The following MYH10 variants were observed in gnomAD, a reference collection of about 807,000 sequenced individuals.
MYH10 encodes the protein myosin-10.
MYH10 carries 55 observed loss-of-function variants against 257.8 expected under a neutral mutation model. The ratio of observed to expected loss-of-function variants is 0.21; its 90% CI spans 0.17 to 0.27. The LOEUF (loss-of-function observed/expected upper bound fraction) is 0.27. MYH10 is among the 10% of genes least tolerant of loss of function. MYH10 has a pLI of 1.00. For synonymous variants in MYH10, 854 were observed against 921.7 expected, an observed-to-expected ratio of 0.93 and a Z score of 1.33; for missense variants, 1,631 against 2,500.6, an observed-to-expected ratio of 0.65 and a Z score of 7.42.
At chr17:8,583,932 A>T (rs1229453350) in intron 4 of MYH10, among the ~76,000 whole-genome samples, 1 of 152,214 alleles carries the variant, frequency 6.6e-6, no homozygotes, top group Non-Finnish European at 1.5e-5. Flanking sequence ...AGTATTCTTT[A>T]AAAGGGGGGT....
intron 3 of MYH10, among the ~76,000 whole-genome samples, chr17:8,600,663 A>G (rs2084556675): frequency 6.6e-6 from 1 of 152,218 alleles, no homozygotes; most frequent in African/African-American, 2.4e-5. Context: ...GCTGGGGCCC[A>G]TCATGGAGTG....
intron 18 of MYH10, 46 bp downstream of exon 18, chr17:8,521,046 C>A (rs751940647): frequency 4.0e-5 from 64 of 1,612,416 alleles, no homozygotes; most frequent in Middle Eastern, 1.6e-4. Context: ...TAGCATCTGA[C>A]CTAGATCAGT....
At position 8,520,949 on chromosome 17, in the gene MYH10, A is replaced by C. The variant is rs1171307322; in HGVS notation, c.2202T>G (p.Gly734=). 1 of 1,613,756 alleles carries C rather than the reference A, an allele frequency of 6.2e-7. No individual in the cohort carries two copies. Among genetic ancestry groups the C allele is most frequent in the Admixed American group, 1.7e-5 (1 of 60,000 alleles). ...HLVLDQLRCN[G]VLEGIRICRQ... ...GACAGATTCGGATCCCTTCCAGGAC[A>C]CCGTTACAGCGAAGCTGATCTAGGA... The change falls in exon 19 of 43, where the codon GGT becomes GGG. Residue 734 remains glycine, a synonymous_variant. Transcript: ENST00000360416.
intron 1 of MYH10, among the ~76,000 whole-genome samples, chr17:8,628,090 G>C (rs1394229403): frequency 2.0e-5 from 3 of 152,154 alleles, no homozygotes; most frequent in Admixed American, 2.0e-4. Context: ...GGCTTAAAAA[G>C]TATAGGCTTA....
At chr17:8,483,454 C>G (rs1376777739) in intron 37 of MYH10, among the ~76,000 whole-genome samples, 1 of 152,296 alleles carries the variant, frequency 6.6e-6, no homozygotes, top group East Asian at 1.9e-4. Context: ...GAGAGCCGTC[C>G]TCCTTTCTTG....
intron 2 of MYH10, among the ~76,000 whole-genome samples, chr17:8,617,013 G>A (rs1409774727): frequency 6.6e-6 from 1 of 151,840 alleles, no homozygotes; most frequent in Non-Finnish European, 1.5e-5. Context: ...AGTGGAGAAA[G>A]GATTATGTTT....
chr17:8,548,916 GT>G (rs56847654), intron 9 of MYH10, 129 bp from the exon 10 acceptor site: 390 of 658,336 alleles, frequency 5.9e-4, no homozygotes, highest in African/African-American at 4.2e-3. Flanking sequence ...CCAGCAAAAT[GT>G]TTTTTTTCTT....
intron 4 of MYH10, among the ~76,000 whole-genome samples, chr17:8,585,286 G>GTCTATATATATATATATA (rs71361807): frequency 1.2e-5 from 1 of 84,606 alleles, no homozygotes; most frequent in Non-Finnish European, 2.3e-5. Context: ...ATGTGTGTGT[G>GTCTATATATATATATATA]TGTATATATA....
chr17:8,546,412 TCATTTAGTACCTA>T, intron 12 of MYH10, 119 bp downstream of exon 12: 1 of 647,630 alleles, frequency 1.5e-6, no homozygotes, highest in Non-Finnish European at 2.5e-6. Flanking sequence ...AAAAAAAAAC[TCATTTAGTACCTA>T]AAAACACCCA....
At chr17:8,614,855 T>A (rs9912638) in intron 2 of MYH10, among the ~76,000 whole-genome samples, 4 of 151,856 alleles carry the variant, frequency 2.6e-5, no homozygotes, top group African/African-American at 9.7e-5. Flanking sequence ...TAAAAAAGGG[T>A]AATACAAATA....
At chr17:8,558,742 A>T (rs1425847178) in intron 7 of MYH10, among the ~76,000 whole-genome samples, 2 of 152,240 alleles carry the variant, frequency 1.3e-5, no homozygotes, top group African/African-American at 4.8e-5. Flanking sequence ...CTGATAGCTC[A>T]TATTTTGTTG....
At chr17:8,531,868 A>G (rs946335320) in intron 16 of MYH10, among the ~76,000 whole-genome samples, 2 of 152,200 alleles carry the variant, frequency 1.3e-5, no homozygotes, top group African/African-American at 4.8e-5. Flanking sequence ...TTTTCTAGAG[A>G]AAAATTGCTC....
Position 8,508,541 on chromosome 17 carries a change from C to A in MYH10, c.3214+13G>T, listed in dbSNP as rs772975087. On this transcript the variant is annotated intron_variant, in intron 26 of 42. Coordinates refer to ENST00000360416, the MANE Select transcript of MYH10 (RefSeq NM_001256012.3). ...TGTCCTAGTCCCTGATTTCTCTAGC[C>A]CCAAATACTAACCTTCTAAATCTGA... is the stretch of plus-strand genomic sequence containing the variant. 1.4e-5 allele frequency: 22 copies of A among 1,613,784 alleles called. No individual in the cohort carries two copies. The highest frequency in any genetic ancestry group is 1.8e-5 in the Non-Finnish European group (21 of 1,179,906).
chr17:8,480,025 A>AG (rs1913417075), intron 40 of MYH10, 85 bp downstream of exon 40: 1 of 1,226,154 alleles, frequency 8.2e-7, no homozygotes, highest in Non-Finnish European at 1.1e-6. Flanking sequence ...CGTGGTGGGG[A>AG]GCCCCCCCGA....
rs770562180 is a variant in MYH10, at chr17:8,542,295, G to A, written c.1432-15C>T. Reference sequence around the variant, plus strand: ...AAGGAGTTCAGCTACAAATGTCAAAGGGTAATTTTCCAAACATGGGGAGGT... The same window carrying A: ...AAGGAGTTCAGCTACAAATGTCAAAAGGTAATTTTCCAAACATGGGGAGGT... On this transcript the variant is annotated splice_polypyrimidine_tract_variant and intron_variant, in intron 13 of 42. Transcript: ENST00000360416. 13 of 1,607,786 alleles carry A rather than the reference G, an allele frequency of 8.1e-6. No homozygotes were observed. The highest frequency in any genetic ancestry group is 1.0e-5 in the Non-Finnish European group (12 of 1,176,512).
intron 2 of MYH10, among the ~76,000 whole-genome samples, chr17:8,605,703 T>C (rs992380577): frequency 2.9e-4 from 44 of 152,230 alleles, no homozygotes; most frequent in Admixed American, 3.3e-4. Flanking sequence ...CTAGATCGCA[T>C]CACTGTACTC....
At chr17:8,565,116 A>C (rs1346170514) in intron 7 of MYH10, among the ~76,000 whole-genome samples, 1 of 152,234 alleles carries the variant, frequency 6.6e-6, no homozygotes, top group Non-Finnish European at 1.5e-5. Context: ...GTAAGACATA[A>C]AGGAACAAAT....
intron 14 of MYH10, among the ~76,000 whole-genome samples, chr17:8,540,486 A>C (rs1000718106): frequency 2.0e-5 from 3 of 152,206 alleles, no homozygotes; most frequent in Non-Finnish European, 4.4e-5. Context: ...ATTAAGAAGA[A>C]TTAATATTTG....
At chr17:8,494,150 C>T (rs553588164) in intron 31 of MYH10, among the ~76,000 whole-genome samples, 6 of 152,278 alleles carry the variant, frequency 3.9e-5, no homozygotes, top group East Asian at 3.9e-4. Context: ...CAGGCATCCC[C>T]GAGGCCTCCC....
Sources: allele counts gnomAD v4.1 joint callset (sites outside exome capture counted in the v4.1 genomes callset), GRCh38; gene constraint gnomAD v4.1.1; transcripts MANE v1.5; gene names NCBI Gene and HGNC (gene_info 2026-07-23, HGNC 2026-07-21).